CPEB4: variants seen among roughly 807,000 people sequenced by gnomAD.
The protein encoded by CPEB4 is cytoplasmic polyadenylation element-binding protein 4.
Under a neutral mutation model 72.5 loss-of-function variants are expected in CPEB4, and 12 were observed. The observed-to-expected ratio is 0.17, with a 90% CI of 0.11 to 0.27. The LOEUF (loss-of-function observed/expected upper bound fraction) is 0.27, where lower values mean the gene tolerates loss of function less well. CPEB4 is among the 10% of genes least tolerant of loss of function. CPEB4 has a pLI of 1.00. For missense variants in CPEB4, 614 were observed against 908.5 expected (o/e 0.68, Z 4.17); for synonymous variants, 302 against 326.3 (o/e 0.93, Z 0.80).
At chr5:173,919,653 A>T (rs1251733061) in intron 2 of CPEB4, among the ~76,000 whole-genome samples, 1 of 152,188 alleles carries the variant, frequency 6.6e-6, no homozygotes, top group Non-Finnish European at 1.5e-5. Flanking sequence ...TGATCTTGTT[A>T]TATAATCCAT....
chr5:173,907,761 C>A (rs1756495095), intron 1 of CPEB4, among the ~76,000 whole-genome samples: 1 of 152,220 alleles, frequency 6.6e-6, no homozygotes, highest in African/African-American at 2.4e-5. Context: ...TACATCATGA[C>A]ACACATAGAA....
At chr5:173,906,434 C>T (rs1264349439) in intron 1 of CPEB4, among the ~76,000 whole-genome samples, 1 of 152,176 alleles carries the variant, frequency 6.6e-6, no homozygotes, top group Non-Finnish European at 1.5e-5. Context: ...AAATATGTGG[C>T]TTTTGAACTC....
intron 3 of CPEB4, among the ~76,000 whole-genome samples, chr5:173,935,360 T>A (rs1757583779): frequency 6.6e-6 from 1 of 152,208 alleles, no homozygotes. Flanking sequence ...TTCTTAAAAC[T>A]GAAAATAAAA....
At chr5:173,943,731 T>G (rs1180509058) in intron 4 of CPEB4, among the ~76,000 whole-genome samples, 1 of 152,210 alleles carries the variant, frequency 6.6e-6, no homozygotes, top group Non-Finnish European at 1.5e-5. Flanking sequence ...AGTTTTATAA[T>G]CAGTTTGTGT....
Position 173,956,192 on chromosome 5 carries a change from A to G in CPEB4, c.*55A>G. The stretch of plus-strand genomic sequence containing the variant: ...TCAGAATAAGTGCACTCTTCTGTTC[A>G]TTCTGACCCCTTCCTCAACCTCTTC... On this transcript the variant is annotated 3_prime_UTR_variant, in exon 10 of 10. Transcript: ENST00000265085. The G allele has an allele frequency of 1.4e-6, 2 of 1,380,270 alleles. No homozygotes were observed. Among genetic ancestry groups the G allele is most frequent in the South Asian group, 2.3e-5 (2 of 85,856 alleles). The allele number at this position is 1,380,270 out of a possible 1,614,324, so 85.5% of individuals were successfully genotyped here.
At chr5:173,948,487 CCTTAT>C (rs1431122360) in intron 5 of CPEB4, among the ~76,000 whole-genome samples, 6 of 151,986 alleles carry the variant, frequency 3.9e-5, no homozygotes, top group Admixed American at 1.3e-4. Flanking sequence ...CATAGTGAGC[CCTTAT>C]CTTGGGGGAA....
Position 173,957,364 on chromosome 5 carries a change from T to TAA in CPEB4, c.*1228_*1229dup, listed in dbSNP as rs1432681081. On this transcript the variant is annotated 3_prime_UTR_variant, in exon 10 of 10. Transcript: ENST00000265085. ...TGCAAAGTGTTTTGCACTGTTGAAC[T>TAA]AAGTAACTGTGTAAATCTGTGCAAA... The TAA allele has an allele frequency of 1.3e-5, 2 of 152,806 alleles. No individual in the cohort carries two copies. Among genetic ancestry groups the TAA allele is most frequent in the Non-Finnish European group, 1.5e-5 (1 of 68,038 alleles). 9.5% of individuals were successfully genotyped at this position (152,806 alleles called of 1,614,324 possible). A position where few individuals can be genotyped will look rare whatever the true frequency, so the allele number is the denominator to read the frequency against.
Position 173,958,569 on chromosome 5 carries a change from G to A in CPEB4, c.*2432G>A, listed in dbSNP as rs1436818425. ...GTCTGCAGAGAAGAGAAAGCATGTTGCTTAAACATCCTTCCCCAGCACCAG... is the reference window on the plus strand; with the variant it reads ...GTCTGCAGAGAAGAGAAAGCATGTTACTTAAACATCCTTCCCCAGCACCAG... On this transcript the variant is annotated 3_prime_UTR_variant, in exon 10 of 10. Coordinates refer to ENST00000265085, the MANE Select transcript of CPEB4 (RefSeq NM_030627.4). 6.6e-6 allele frequency: 1 copy of A among 152,562 alleles called. No homozygotes were observed. Among genetic ancestry groups the A allele is most frequent in the Non-Finnish European group, 1.5e-5 (1 of 68,002 alleles). The allele number at this position is 152,562 out of a possible 1,614,324, so 9.5% of individuals were successfully genotyped here. A position where few individuals can be genotyped will look rare whatever the true frequency, so the allele number is the denominator to read the frequency against.
intron 1 of CPEB4, among the ~76,000 whole-genome samples, chr5:173,893,456 A>G (rs927728060): frequency 3.3e-4 from 50 of 152,312 alleles, no homozygotes; most frequent in African/African-American, 1.2e-3. Flanking sequence ...CGTCTCAAAA[A>G]AAAATAATTT....
chr5:173,955,860 C>A lies in CPEB4; in HGVS notation c.1963-50C>A. The A allele has an allele frequency of 7.0e-7, 1 of 1,420,406 alleles. No homozygotes were observed. The highest frequency in any genetic ancestry group is 9.8e-7 in the Non-Finnish European group (1 of 1,017,746). The allele number at this position is 1,420,406 out of a possible 1,614,324, so 88.0% of individuals were successfully genotyped here. ...GGTGGAAATGTACATGTATGGTAAG[C>A]ATTGCTGGCCTAGTCACTGAAAAAT... On this transcript the variant is annotated intron_variant, in intron 9 of 9. Coordinates refer to ENST00000265085, the MANE Select transcript of CPEB4 (RefSeq NM_030627.4). The surrounding 1 kb of genome is among the most constrained non-coding windows in gnomAD (Gnocchi z 4.7).
In CPEB4 at chr5:173,889,606, G is replaced by T; in HGVS notation, c.-128G>T. The T allele has an allele frequency of 1.3e-6, 1 of 771,590 alleles. No homozygotes were observed. The highest frequency in any genetic ancestry group is 2.1e-6 in the Non-Finnish European group (1 of 474,742). The allele number at this position is 771,590 out of a possible 1,614,324, so 47.8% of individuals were successfully genotyped here. A position where few individuals can be genotyped will look rare whatever the true frequency, so the allele number is the denominator to read the frequency against. On this transcript the variant is annotated 5_prime_UTR_variant, in exon 1 of 10. Transcript: ENST00000265085. ...TTTAAGGTGATAAGCTGCGATCTTT[G>T]AGCTAGCTATAAATAAGACATTTCA... is the stretch of plus-strand genomic sequence containing the variant.
At chr5:173,928,498 T>A (rs1490127620) in intron 2 of CPEB4, among the ~76,000 whole-genome samples, 1 of 152,220 alleles carries the variant, frequency 6.6e-6, no homozygotes, top group Admixed American at 6.5e-5. Context: ...TTTGTAAGTA[T>A]GCAAATATGC....
rs192270596 is a variant in CPEB4, at chr5:173,933,795, T to G, written c.1258+1295T>G. ...CAACTCTTCTTTGTCCCAGTTTCCT[T>G]ATGAAGGTGTTCCTGTTGGATTAGT... is the stretch of plus-strand genomic sequence containing the variant. On this transcript the variant is annotated intron_variant, in intron 3 of 9. Coordinates refer to ENST00000265085, the MANE Select transcript of CPEB4 (RefSeq NM_030627.4). Among the ~76,000 whole-genome samples the G allele has an allele frequency of 2.6e-3, 400 of 152,332 alleles. 3 individuals are homozygous for G. Among genetic ancestry groups the G allele is most frequent in the Middle Eastern group, 0.017 (5 of 294 alleles).
chr5:173,942,187 G>C (rs947605802), intron 3 of CPEB4, among the ~76,000 whole-genome samples: 1 of 152,140 alleles, frequency 6.6e-6, no homozygotes, highest in African/African-American at 2.4e-5. Context: ...GGCATTAAAA[G>C]CTGCTAGTTC....
rs1755764057 is a variant in CPEB4 at position 173,890,349 on chromosome 5, T to C, written c.616T>C (p.Leu206=). 4 of 1,614,150 alleles carry C rather than the reference T, an allele frequency of 2.5e-6. No individual in the cohort carries two copies. The highest frequency in any genetic ancestry group is 3.4e-6 in the Non-Finnish European group (4 of 1,180,020). ...PAASANNGAL[L]FQNFPHHVSP... is the part of the protein sequence containing the mutation. Reference sequence around the variant, plus strand: ...TGCTTCGGCTAATAACGGTGCTCTGTTGTTTCAAAATTTCCCCCATCATGT... The same window carrying C: ...TGCTTCGGCTAATAACGGTGCTCTGCTGTTTCAAAATTTCCCCCATCATGT... Residue 206 remains leucine (L), a synonymous_variant, in exon 1 of 10, where the codon TTG becomes CTG. Coordinates refer to ENST00000265085, the MANE Select transcript of CPEB4 (RefSeq NM_030627.4).
rs1355669472 is a variant in CPEB4, at chr5:173,961,395, G to C, written c.*5258G>C. ...GGAAATGTTTATTTCAGGTAAGTGAGATATCAATGATATGTGATATAACAA... is the reference window on the plus strand; with the variant it reads ...GGAAATGTTTATTTCAGGTAAGTGACATATCAATGATATGTGATATAACAA... On this transcript the variant is annotated 3_prime_UTR_variant, in exon 10 of 10. Coordinates refer to ENST00000265085, the MANE Select transcript of CPEB4 (RefSeq NM_030627.4). The C allele has an allele frequency of 6.6e-6, 1 of 152,208 alleles. No homozygotes were observed. The highest frequency in any genetic ancestry group is 6.5e-5 in the Admixed American group (1 of 15,282). The allele number at this position is 152,208 out of a possible 1,614,324, so 9.4% of individuals were successfully genotyped here. A position where few individuals can be genotyped will look rare whatever the true frequency, so the allele number is the denominator to read the frequency against.
chr5:173,910,344 GTACT>G (rs1756607400), intron 1 of CPEB4, among the ~76,000 whole-genome samples, 175 bp from the exon 2 acceptor site: 2 of 152,162 alleles, frequency 1.3e-5, no homozygotes, highest in African/African-American at 4.8e-5. Flanking sequence ...TGAGCCCTGT[GTACT>G]TACTTTTGTG....
chr5:173,942,548 G>C (rs113250669), intron 3 of CPEB4, among the ~76,000 whole-genome samples: 9 of 152,270 alleles, frequency 5.9e-5, no homozygotes, highest in African/African-American at 2.2e-4. Flanking sequence ...GATTTCATTT[G>C]TTATGATTTT....
intron 1 of CPEB4, among the ~76,000 whole-genome samples, chr5:173,895,714 T>C (rs1386457350): frequency 6.6e-6 from 1 of 152,220 alleles, no homozygotes; most frequent in Non-Finnish European, 1.5e-5. Context: ...CGGATGGTTC[T>C]AGATCTAGCA....
Sources: gnomAD v4.1 joint callset for allele counts (sites outside exome capture counted in the v4.1 genomes callset) on GRCh38, gnomAD v4.1.1 for gene constraint, Gnocchi (gnomAD v3.1) non-coding constraint, MANE v1.5 for transcripts, NCBI Gene and HGNC (gene_info 2026-07-23, HGNC 2026-07-21) for gene names.